LEPR: variants seen among roughly 807,000 people sequenced by gnomAD.
The protein encoded by LEPR is leptin receptor.
A neutral mutation model predicts 114.7 loss-of-function variants in LEPR; 56 were observed. The observed-to-expected ratio is 0.49, with a 90% CI of 0.39 to 0.61. The LOEUF (loss-of-function observed/expected upper bound fraction) is 0.61, where lower values mean the gene tolerates loss of function less well. LEPR is among the 20% of genes least tolerant of loss of function. LEPR has a pLI of 0.00. For synonymous variants in LEPR, 443 were observed against 461.4 expected, an observed-to-expected ratio of 0.96 and a Z score of 0.51; for missense variants, 1,202 against 1,352.9, an observed-to-expected ratio of 0.89 and a Z score of 1.75.
At chr1:65,478,277 TG>T (rs35748233) in intron 2 of LEPR, among the ~76,000 whole-genome samples, 1 of 152,202 alleles carries the variant, frequency 6.6e-6, no homozygotes, top group Non-Finnish European at 1.5e-5. Flanking sequence ...GGTTGGGTAA[TG>T]GGGCCGTCCA....
intron 2 of LEPR, among the ~76,000 whole-genome samples, chr1:65,541,032 A>G (rs1241510672): frequency 6.6e-6 from 1 of 152,044 alleles, no homozygotes; most frequent in Non-Finnish European, 1.5e-5. Flanking sequence ...GGGTTTTTCC[A>G]GGCTGGTCTC....
chr1:65,451,011 A>AT (rs541825601), intron 2 of LEPR, among the ~76,000 whole-genome samples: 4 of 149,574 alleles, frequency 2.7e-5, no homozygotes, highest in African/African-American at 9.7e-5. Flanking sequence ...TTTGATTTGC[A>AT]TTTCTCTGAT....
chr1:65,598,767 G>C lies in LEPR; in HGVS notation c.957G>C (p.Trp319Cys), dbSNP rs748084789. The stretch of plus-strand genomic sequence containing the variant: ...AGAGACTGGATGGCCCAGGAATCTG[G>C]AGTGACTGGAGTACTCCTCGTGTCT... The part of the protein sequence containing the change: ...RGKRLDGPGI[W>C]SDWSTPRVFT... The change falls in exon 8 of 20, where the codon TGG becomes TGC. Residue 319 changes from tryptophan (W) to cysteine (C), a missense_variant. Trp to Cys is a radical substitution (Grantham distance 215, BLOSUM62 -2). Coordinates refer to ENST00000349533, the MANE Select transcript of LEPR (RefSeq NM_002303.6). The C allele has an allele frequency of 1.9e-6, 3 of 1,613,414 alleles. No individual in the cohort carries two copies. The highest frequency in any genetic ancestry group is 2.5e-6 in the Non-Finnish European group (3 of 1,179,530).
At chr1:65,450,999 G>A (rs1646777553) in intron 2 of LEPR, among the ~76,000 whole-genome samples, 1 of 149,742 alleles carries the variant, frequency 6.7e-6, no homozygotes, top group African/African-American at 2.4e-5. Flanking sequence ...TCTCATTGTG[G>A]TTTTGATTTG....
chr1:65,509,503 T>C (rs1349585219), intron 2 of LEPR, among the ~76,000 whole-genome samples: 1 of 152,194 alleles, frequency 6.6e-6, no homozygotes, highest in Non-Finnish European at 1.5e-5. Flanking sequence ...TTCAATTGAA[T>C]GTGTTTTATA....
intron 2 of LEPR, among the ~76,000 whole-genome samples, chr1:65,520,147 G>A (rs1649557152): frequency 1.3e-5 from 2 of 152,194 alleles, no homozygotes; most frequent in African/African-American, 4.8e-5. Flanking sequence ...ACAGGCATGA[G>A]CCACAGCACC....
At chr1:65,436,102 A>G (rs1646559584) in intron 2 of LEPR, 2 of 982,356 alleles carry the variant, frequency 2.0e-6, no homozygotes, top group African/African-American at 1.7e-5. Flanking sequence ...TAATTTTCCC[A>G]GTGTTTTTGT....
At chr1:65,607,302 A>G (rs1226565059) in intron 11 of LEPR, among the ~76,000 whole-genome samples, 1 of 152,162 alleles carries the variant, frequency 6.6e-6, no homozygotes, top group Non-Finnish European at 1.5e-5. Flanking sequence ...GCCAAGGGCC[A>G]TCTCTCACTT....
chr1:65,521,130 C>T (rs763576464), intron 2 of LEPR, among the ~76,000 whole-genome samples: 2 of 152,186 alleles, frequency 1.3e-5, no homozygotes, highest in African/African-American at 4.8e-5. Context: ...CCGTAACAGA[C>T]GATTCCGATG....
intron 2 of LEPR, among the ~76,000 whole-genome samples, chr1:65,527,098 T>C (rs1244957053): frequency 6.6e-6 from 1 of 152,246 alleles, no homozygotes; most frequent in Admixed American, 6.5e-5. Flanking sequence ...ACGTATTCTC[T>C]TTAAGTATTG....
intron 2 of LEPR, among the ~76,000 whole-genome samples, chr1:65,462,553 T>C (rs1646959128): frequency 6.6e-6 from 1 of 152,240 alleles, no homozygotes; most frequent in Non-Finnish European, 1.5e-5. Flanking sequence ...TTTCTAGTTC[T>C]AGATCCTTGA....
intron 2 of LEPR, among the ~76,000 whole-genome samples, chr1:65,559,885 G>T (rs1259209636): frequency 7.3e-6 from 1 of 136,342 alleles, no homozygotes; most frequent in Non-Finnish European, 1.6e-5. Context: ...ATTTCTGAGG[G>T]CTCTGTTCTG....
chr1:65,572,576 A>G, intron 5 of LEPR, 127 bp downstream of exon 5: 1 of 996,494 alleles, frequency 1.0e-6, no homozygotes, highest in South Asian at 1.7e-5. Context: ...ATTTTTTAAT[A>G]TAGCATTCTG....
At chr1:65,594,791 G>A (rs1368371666) in intron 6 of LEPR, among the ~76,000 whole-genome samples, 2 of 151,932 alleles carry the variant, frequency 1.3e-5, no homozygotes, top group Non-Finnish European at 2.9e-5. Context: ...GGGGTTATCA[G>A]TAAGAATGAA....
At chr1:65,436,710 A>G (rs1646568153) in intron 2 of LEPR, among the ~76,000 whole-genome samples, 1 of 139,134 alleles carries the variant, frequency 7.2e-6, no homozygotes, top group African/African-American at 2.4e-5. Context: ...AGACTGCACA[A>G]TCTCTCTTCA....
At chr1:65,439,236 T>C (rs901585675) in intron 2 of LEPR, among the ~76,000 whole-genome samples, 1 of 152,122 alleles carries the variant, frequency 6.6e-6, no homozygotes, top group African/African-American at 2.4e-5. Context: ...ACAGTAAAAA[T>C]CCCGGTAAGA....
intron 2 of LEPR, among the ~76,000 whole-genome samples, chr1:65,545,398 G>A (rs899527552): frequency 6.6e-6 from 1 of 151,892 alleles, no homozygotes; most frequent in South Asian, 2.1e-4. Flanking sequence ...TTCCACAATG[G>A]TTGAACTAGT....
At chr1:65,437,151 GTT>G (rs769481436) in intron 2 of LEPR, among the ~76,000 whole-genome samples, 64 of 152,270 alleles carry the variant, frequency 4.2e-4, no homozygotes, top group Non-Finnish European at 5.3e-4. Context: ...CTGAACACAG[GTT>G]TTAATCGGAT....
chr1:65,433,172 C>G (rs567637781), intron 2 of LEPR: 2 of 985,334 alleles, frequency 2.0e-6, no homozygotes, highest in Non-Finnish European at 2.4e-6. Flanking sequence ...CTCTGCCCCC[C>G]ACCCCTACTC....
Sources: gnomAD v4.1 joint callset for allele counts (sites outside exome capture counted in the v4.1 genomes callset) on GRCh38, gnomAD v4.1.1 for gene constraint, MANE v1.5 for transcripts, NCBI Gene and HGNC (gene_info 2026-07-23, HGNC 2026-07-21) for gene names.